UEVLD: variants seen among roughly 807,000 people sequenced by gnomAD.
UEVLD encodes the protein UEV and lactate/malate dehyrogenase domains.
A neutral mutation model predicts 58.6 loss-of-function variants in UEVLD; 47 were observed. The observed-to-expected ratio is 0.80, with a 90% CI of 0.63 to 1.02. The LOEUF is 1.02. Among genes scored for constraint, UEVLD ranks in the 50% least tolerant of loss-of-function variants. UEVLD has a pLI of 0.00. For synonymous variants in UEVLD, 197 were observed against 195.3 expected, an observed-to-expected ratio of 1.01 and a Z score of -0.07; for missense variants, 510 against 550.6, an observed-to-expected ratio of 0.93 and a Z score of 0.74.
In UEVLD at chr11:18,562,695, G is replaced by A. The variant is rs749119448; in HGVS notation, c.612+2197C>T. The stretch of plus-strand genomic sequence containing the variant: ...AAGCCACCGGGCCCAGCTGAAAAAC[G>A]GCAAATTTTCCACCCAGACAATTCA... On this transcript the variant is annotated intron_variant, in intron 6 of 11. Transcript: ENST00000396197. 5.3e-5 allele frequency among the ~76,000 whole-genome samples: 8 copies of A among 151,014 alleles called. 1 individual carries two copies. In the East Asian group the frequency reaches 1.2e-3, roughly 23 times the overall value.
At chr11:18,572,801 T>A (rs546346938) in intron 3 of UEVLD, among the ~76,000 whole-genome samples, 1 of 118,144 alleles carries the variant, frequency 8.5e-6, no homozygotes, top group South Asian at 2.7e-4. Context: ...CAAAACTCCA[T>A]CTCAAAAAAA....
At chr11:18,567,635 G>A (rs555888944) in intron 4 of UEVLD, among the ~76,000 whole-genome samples, 17 of 152,252 alleles carry the variant, frequency 1.1e-4, no homozygotes, top group Non-Finnish European at 2.2e-4. Context: ...AAAACAAAAC[G>A]AACTGTGCTG....
At chr11:18,567,439 T>C (rs1852355368) in intron 4 of UEVLD, among the ~76,000 whole-genome samples, 1 of 152,238 alleles carries the variant, frequency 6.6e-6, no homozygotes, top group East Asian at 1.9e-4. Context: ...TGAGTTTCAC[T>C]ATTTATAAAG....
At chr11:18,542,885 C>CTTTTCTT (rs1851114888) in intron 9 of UEVLD, among the ~76,000 whole-genome samples, 1 of 97,172 alleles carries the variant, frequency 1.0e-5, no homozygotes, top group Non-Finnish European at 2.2e-5. Context: ...ATTTTCTTTT[C>CTTTTCTT]TTTTCTTTTT....
Position 18,547,136 on chromosome 11 carries a change from C to T in UEVLD, c.716-86G>A. ...ACGATTAAAAGGTTGTTCTTTTCAA[C>T]AAATAAGAGAGCTTTTAGGCACGCC... is the stretch of plus-strand genomic sequence containing the variant. On this transcript the variant is annotated intron_variant, in intron 7 of 11. Transcript: ENST00000396197. 8 of 1,403,954 alleles carry T rather than the reference C, an allele frequency of 5.7e-6. 1 individual carries two copies. The South Asian group carries it at 1.1e-4, about 20-fold the overall frequency. 87.0% of individuals were successfully genotyped at this position (1,403,954 alleles called of 1,614,324 possible).
At chr11:18,583,510 C>T (rs556282444) in intron 1 of UEVLD, among the ~76,000 whole-genome samples, 9 of 152,108 alleles carry the variant, frequency 5.9e-5, no homozygotes, top group Non-Finnish European at 1.2e-4. Flanking sequence ...TGAGCTACCA[C>T]GCTCGGCCTA....
intron 1 of UEVLD, among the ~76,000 whole-genome samples, chr11:18,581,374 C>G (rs116295991): frequency 0.016 from 2,389 of 151,742 alleles, 66 homozygotes; most frequent in African/African-American, 0.055. Context: ...AGCCTAGAGT[C>G]TAGAACAGTA....
At chr11:18,559,907 C>T (rs184743336) in intron 6 of UEVLD, among the ~76,000 whole-genome samples, 2 of 151,980 alleles carry the variant, frequency 1.3e-5, no homozygotes, top group African/African-American at 2.4e-5. Context: ...TTAGGATTCA[C>T]GGGCAAAAGT....
chr11:18,566,474 A>C lies in UEVLD; in HGVS notation c.366T>G (p.Ser122=). Reference sequence around the variant, plus strand: ...TTTCTTTAATTAATCCAACAATGACAGATTTAGGCTGTAGAATACACAAAA... The same window carrying C: ...TTTCTTTAATTAATCCAACAATGACCGATTTAGGCTGTAGAATACACAAAA... ...PYLQNWSHPK[S]VIVGLIKEMI... is the part of the protein sequence containing the mutation. Residue 122 remains serine, a synonymous_variant, in exon 5 of 12, where the codon TCT becomes TCG. Coordinates refer to ENST00000396197, the MANE Select transcript of UEVLD (RefSeq NM_001040697.4). 3.1e-6 allele frequency: 5 copies of C among 1,613,756 alleles called. No homozygotes were observed. The highest frequency in any genetic ancestry group is 4.2e-6 in the Non-Finnish European group (5 of 1,179,974).
intron 6 of UEVLD, among the ~76,000 whole-genome samples, chr11:18,560,880 G>A (rs1036860614): frequency 1.3e-4 from 19 of 151,996 alleles, no homozygotes; most frequent in Admixed American, 9.8e-4. Context: ...GCCTGGTGGC[G>A]CATGCTTGTA....
intron 3 of UEVLD, among the ~76,000 whole-genome samples, chr11:18,573,459 G>A (rs989496334): frequency 1.3e-5 from 2 of 152,102 alleles, no homozygotes; most frequent in Non-Finnish European, 2.9e-5. Flanking sequence ...TACAACTTAA[G>A]GGGAACAGGT....
intron 7 of UEVLD, among the ~76,000 whole-genome samples, chr11:18,549,839 G>C (rs1024124673): frequency 6.7e-6 from 1 of 148,360 alleles, no homozygotes; most frequent in Non-Finnish European, 1.5e-5. Context: ...TTTTTTTTTT[G>C]AGATGGAGTT....
intron 7 of UEVLD, among the ~76,000 whole-genome samples, chr11:18,554,167 A>G (rs887556359): frequency 2.0e-5 from 3 of 151,316 alleles, no homozygotes; most frequent in African/African-American, 7.3e-5. Flanking sequence ...TCTCGGCTCA[A>G]TGCAACCTCT....
chr11:18,549,076 A>AT (rs1851419213), intron 7 of UEVLD, among the ~76,000 whole-genome samples: 1 of 152,254 alleles, frequency 6.6e-6, no homozygotes, highest in South Asian at 2.1e-4. Flanking sequence ...TATTTTACAG[A>AT]TGAGAAATCT....
chr11:18,566,826 A>G lies in UEVLD; in HGVS notation c.358-344T>C, dbSNP rs142641525. ...ACTTTTAACTGAAAAATAAAGGAAG[A>G]AGAAATGCTAATTCAACATTTCCCA... On this transcript the variant is annotated intron_variant, in intron 4 of 11. Coordinates refer to ENST00000396197, the MANE Select transcript of UEVLD (RefSeq NM_001040697.4). Among the ~76,000 whole-genome samples the G allele has an allele frequency of 7.3e-3, 1,119 of 152,374 alleles. 12 individuals carry two copies. The highest frequency in any genetic ancestry group is 0.026 in the African/African-American group (1,068 of 41,590).
Position 18,567,197 on chromosome 11 carries a change from G to A in UEVLD, c.358-715C>T, listed in dbSNP as rs112424582. Reference sequence around the variant, plus strand: ...CACTAATAGTATCTAATCTGGTACTGTATTCTTTTAATGTAATTGGTTAAG... The same window carrying A: ...CACTAATAGTATCTAATCTGGTACTATATTCTTTTAATGTAATTGGTTAAG... On this transcript the variant is annotated intron_variant, in intron 4 of 11. Transcript: ENST00000396197. 7.4e-3 allele frequency among the ~76,000 whole-genome samples: 1,123 copies of A among 152,302 alleles called. 13 individuals are homozygous for A. Among genetic ancestry groups the A allele is most frequent in the African/African-American group, 0.026 (1,070 of 41,566 alleles).
chr11:18,565,018 G>T lies in UEVLD; in HGVS notation c.494-8C>A. ...AATTTGTATCTGAAACACCTAGAAA[G>T]AAAGGTGAATTATCCTGAGAATTCA... On this transcript the variant is annotated splice_region_variant and splice_polypyrimidine_tract_variant and intron_variant, in intron 5 of 11. Coordinates refer to ENST00000396197, the MANE Select transcript of UEVLD (RefSeq NM_001040697.4). 6.3e-7 allele frequency: 1 copy of T among 1,582,184 alleles called. No homozygotes were observed. Among genetic ancestry groups the T allele is most frequent in the Non-Finnish European group, 8.7e-7 (1 of 1,154,558 alleles).
chr11:18,569,058 C>T (rs1281214935), intron 4 of UEVLD, among the ~76,000 whole-genome samples: 2 of 152,020 alleles, frequency 1.3e-5, no homozygotes, highest in Admixed American at 6.6e-5. Context: ...CCACGCCTGG[C>T]TTATTTTTTG....
At chr11:18,544,502 C>T in intron 9 of UEVLD, 121 bp downstream of exon 9, 1 of 1,023,762 alleles carries the variant, frequency 9.8e-7, no homozygotes, top group Non-Finnish European at 1.4e-6. Flanking sequence ...GAGATGGGGT[C>T]TTGCTATGTT....
Sources: gnomAD v4.1 joint callset for allele counts (sites outside exome capture counted in the v4.1 genomes callset) on GRCh38, gnomAD v4.1.1 for gene constraint, MANE v1.5 for transcripts, NCBI Gene and HGNC (gene_info 2026-07-23, HGNC 2026-07-21) for gene names.